DNAH7: variants seen among roughly 807,000 people sequenced by gnomAD.
DNAH7 encodes the protein dynein axonemal heavy chain 7.
In DNAH7, 397 loss-of-function variants were observed where a neutral mutation model predicts 444.6. The ratio of observed to expected loss-of-function variants is 0.89; its 90% CI spans 0.82 to 0.97. The LOEUF is 0.97. Ranked by LOEUF, DNAH7 falls within the 50% of genes least tolerant of loss-of-function variation. The pLI, the probability that DNAH7 is intolerant of heterozygous loss-of-function variation, is 0.00. For missense variants in DNAH7, 4,902 were observed against 4,800.8 expected (o/e 1.02, Z -0.62); for synonymous variants, 1,636 against 1,624.4 (o/e 1.01, Z -0.17).
At chr2:195,914,489 T>C (rs1559218276) in intron 24 of DNAH7, among the ~76,000 whole-genome samples, 3 of 152,314 alleles carry the variant, frequency 2.0e-5, no homozygotes, top group South Asian at 4.1e-4. Flanking sequence ...TGCCATACAA[T>C]TGGCATGATA....
At chr2:196,039,506 A>G (rs531243798) in intron 5 of DNAH7, among the ~76,000 whole-genome samples, 1 of 152,282 alleles carries the variant, frequency 6.6e-6, no homozygotes, top group East Asian at 1.9e-4. Flanking sequence ...GAACTAAATA[A>G]GAGACCAAAA....
chr2:195,779,846 T>C (rs984002134), intron 58 of DNAH7, among the ~76,000 whole-genome samples: 2 of 152,098 alleles, frequency 1.3e-5, no homozygotes, highest in African/African-American at 4.8e-5. Context: ...GCTCAGGCAA[T>C]CCACTGCCTC....
At position 195,908,969 on chromosome 2, in the gene DNAH7, T is replaced by C. The variant is rs555829655; in HGVS notation, c.4104+1058A>G. Among the ~76,000 whole-genome samples, 7 of 152,298 alleles carry C rather than the reference T, an allele frequency of 4.6e-5. No homozygotes were observed. In the South Asian group the frequency reaches 1.5e-3, roughly 32 times the overall value. ...TTGCTAGTTTGTTTATCTTTTTTAA[T>C]GTTAACTTTTTCTGGAGAAAATTTG... On this transcript the variant is annotated intron_variant, in intron 25 of 64. Transcript: ENST00000312428.
intron 5 of DNAH7, among the ~76,000 whole-genome samples, chr2:196,042,806 C>T (rs1696851933): frequency 6.6e-6 from 1 of 151,996 alleles, no homozygotes; most frequent in South Asian, 2.1e-4. Context: ...AAAAGTTGAA[C>T]ATATACCTAC....
intron 15 of DNAH7, among the ~76,000 whole-genome samples, chr2:195,973,548 T>G (rs1012092719): frequency 1.3e-5 from 2 of 152,166 alleles, no homozygotes; most frequent in Admixed American, 1.3e-4. Flanking sequence ...CTCGGCTGAC[T>G]GCAACCTCAG....
chr2:196,003,268 T>A (rs2125694081), intron 10 of DNAH7, among the ~76,000 whole-genome samples: 1 of 151,544 alleles, frequency 6.6e-6, no homozygotes, highest in Non-Finnish European at 1.5e-5. Context: ...GGTTATCAGA[T>A]CATTTCAGTG....
chr2:195,774,300 T>C (rs563672712), intron 60 of DNAH7, among the ~76,000 whole-genome samples: 5 of 152,372 alleles, frequency 3.3e-5, no homozygotes, highest in South Asian at 2.1e-4. Context: ...TTTGCACATA[T>C]ACTTTTATGC....
intron 8 of DNAH7, among the ~76,000 whole-genome samples, chr2:196,023,129 C>T (rs1052270182): frequency 1.3e-5 from 2 of 152,116 alleles, no homozygotes; most frequent in African/African-American, 4.8e-5. Flanking sequence ...AATGGTTTAG[C>T]ATCATCCTCT....
At chr2:195,891,130 G>A (rs946584637) in intron 31 of DNAH7, among the ~76,000 whole-genome samples, 1 of 152,204 alleles carries the variant, frequency 6.6e-6, no homozygotes, top group African/African-American at 2.4e-5. Context: ...AGTAGCAGCT[G>A]GCAAGCCACT....
chr2:196,045,633 AT>A (rs1242912929), intron 5 of DNAH7, among the ~76,000 whole-genome samples: 1 of 152,158 alleles, frequency 6.6e-6, no homozygotes, highest in Admixed American at 6.5e-5. Flanking sequence ...TCAGAGCTAA[AT>A]TAAATCATGT....
intron 14 of DNAH7, among the ~76,000 whole-genome samples, chr2:195,985,125 T>C (rs1023120102): frequency 1.3e-5 from 2 of 152,220 alleles, no homozygotes; most frequent in Admixed American, 6.5e-5. Context: ...TAGGCCTGTG[T>C]GCTCAGGAAC....
intron 63 of DNAH7, among the ~76,000 whole-genome samples, chr2:195,750,993 G>A (rs1693766439): frequency 6.6e-6 from 1 of 152,072 alleles, no homozygotes; most frequent in Admixed American, 6.6e-5. Context: ...TTTATGACAT[G>A]TAATATAGTG....
rs1348656173 is a variant in DNAH7 at position 196,056,431 on chromosome 2, AAAAAG to A, written c.78+1618_78+1622del. Among the ~76,000 whole-genome samples, 116 of 151,950 alleles carry A rather than the reference AAAAAG, an allele frequency of 7.6e-4. 3 individuals carry two copies. In the East Asian group the frequency reaches 0.022, roughly 28 times the overall value. The stretch of plus-strand genomic sequence containing the variant: ...CTGCACTCTGTCTGAAAAAAAAAAA[AAAAAG>A]AAAAAAGAAATGTTTTTTCTTTTCT... On this transcript the variant is annotated intron_variant, in intron 2 of 64. Transcript: ENST00000312428.
intron 14 of DNAH7, among the ~76,000 whole-genome samples, chr2:195,985,553 G>GGT (rs1185506893): frequency 6.6e-6 from 1 of 152,132 alleles, no homozygotes; most frequent in Non-Finnish European, 1.5e-5. Context: ...TTTCTGGAGA[G>GGT]GTGAGTCAAA....
chr2:196,047,494 A>G lies in DNAH7; in HGVS notation c.256T>C (p.Tyr86His). 2 of 1,571,238 alleles carry G rather than the reference A, an allele frequency of 1.3e-6. No individual in the cohort carries two copies. Among genetic ancestry groups the G allele is most frequent in the African/African-American group, 1.4e-5 (1 of 73,584 alleles). ...SVKNEQSHAE[Y>H]MERFGKKGKL... The stretch of plus-strand genomic sequence containing the variant: ...CCCTTTTTTCCAAAACGTTCCATGT[A>G]TTCAGCTTAAATTAAAACAAAAAAA... Residue 86 changes from tyrosine to histidine, a missense_variant, in exon 5 of 65, where the codon TAC becomes CAC. Coordinates refer to ENST00000312428, the MANE Select transcript of DNAH7 (RefSeq NM_018897.3).
At chr2:195,889,595 G>A (rs1158813987) in intron 31 of DNAH7, among the ~76,000 whole-genome samples, 1 of 152,012 alleles carries the variant, frequency 6.6e-6, no homozygotes, top group Admixed American at 6.6e-5. Context: ...GGATTTATAG[G>A]CATGAGCCAC....
intron 24 of DNAH7, among the ~76,000 whole-genome samples, chr2:195,918,930 T>C (rs1054340062): frequency 2.6e-5 from 4 of 152,160 alleles, no homozygotes; most frequent in Admixed American, 1.3e-4. Flanking sequence ...TATTGGTTTA[T>C]CAATTATAAC....
At position 195,934,794 on chromosome 2, in the gene DNAH7, C is replaced by G. The variant is rs545179186; in HGVS notation, c.3273-5G>C. ...TTCTTCAAGTGAGGTTGCACCCTGT[C>G]AGGAAAAACATTTTTAAGATAATTA... On this transcript the variant is annotated splice_polypyrimidine_tract_variant and splice_region_variant and intron_variant, in intron 20 of 64. Coordinates refer to ENST00000312428, the MANE Select transcript of DNAH7 (RefSeq NM_018897.3). 5 of 1,613,746 alleles carry G rather than the reference C, an allele frequency of 3.1e-6. No homozygotes were observed. The African/African-American group carries it at 6.7e-5, about 22-fold the overall frequency.
intron 19 of DNAH7, among the ~76,000 whole-genome samples, chr2:195,943,154 C>T (rs1689573738): frequency 6.6e-6 from 1 of 152,126 alleles, no homozygotes. Context: ...CCTCCCCAGC[C>T]ATGTGGAACT....
Sources: gnomAD v4.1 joint callset for allele counts (sites outside exome capture counted in the v4.1 genomes callset) on GRCh38, gnomAD v4.1.1 for gene constraint, MANE v1.5 for transcripts, NCBI Gene and HGNC (gene_info 2026-07-23, HGNC 2026-07-21) for gene names.